Variants in SCN8A observed in about 807,000 individuals in gnomAD.
SCN8A encodes sodium channel protein type 8 subunit alpha.
In SCN8A, 30 loss-of-function variants were observed where a neutral mutation model predicts 184.1. That is an observed-to-expected ratio of 0.16 (90% confidence interval 0.12 to 0.22). The LOEUF (loss-of-function observed/expected upper bound fraction) is 0.22. SCN8A is among the 10% of genes least tolerant of loss of function. The pLI is 1.00. For synonymous variants in SCN8A, 852 were observed against 907.0 expected (o/e 0.94, Z 1.09); for missense variants, 1,057 against 2,498.9 (o/e 0.42, Z 12.30).
chr12:51,792,537 A>G (rs553982533), intron 25 of SCN8A, among the ~76,000 whole-genome samples: 7 of 150,520 alleles, frequency 4.7e-5, no homozygotes, highest in Admixed American at 2.6e-4. Flanking sequence ...AGCTGGGGAA[A>G]GAGATTCCTG....
At position 51,606,087 on chromosome 12, in the gene SCN8A, T is replaced by C. The variant is rs578008467; in HGVS notation, c.-55+14728T>C. 8.5e-5 allele frequency among the ~76,000 whole-genome samples: 13 copies of C among 152,354 alleles called. No individual in the cohort carries two copies. The East Asian group carries it at 1.5e-3, about 18-fold the overall frequency. ...CTTCCTTGTGCCGTGCAAAAGCTTT[T>C]AGTTTAATTAAGCCCCAACTATTAT... is the stretch of plus-strand genomic sequence containing the variant. On this transcript the variant is annotated intron_variant, in intron 1 of 26. Coordinates refer to ENST00000627620, the MANE Select transcript of SCN8A (RefSeq NM_001330260.2).
Position 51,810,319 on chromosome 12 carries a change from A to T in SCN8A, c.*2890A>T. Reference sequence around the variant, plus strand: ...TGTCCTTCCACCTGCTCACTCACTCACTCTCTCACCCATCCTGCTCCACAC... The same window carrying T: ...TGTCCTTCCACCTGCTCACTCACTCTCTCTCTCACCCATCCTGCTCCACAC... On this transcript the variant is annotated 3_prime_UTR_variant, in exon 27 of 27. Coordinates refer to ENST00000627620, the MANE Select transcript of SCN8A (RefSeq NM_001330260.2). 2 of 325,950 alleles carry T rather than the reference A, an allele frequency of 6.1e-6. No homozygotes were observed. The highest frequency in any genetic ancestry group is 4.4e-5 in the South Asian group (2 of 45,716). 20.2% of individuals were successfully genotyped at this position (325,950 alleles called of 1,614,324 possible). A position where few individuals can be genotyped will look rare whatever the true frequency, so the allele number is the denominator to read the frequency against.
chr12:51,752,071 T>C (rs962354170), intron 14 of SCN8A, among the ~76,000 whole-genome samples: 1 of 152,170 alleles, frequency 6.6e-6, no homozygotes, highest in African/African-American at 2.4e-5. Context: ...GGACTATTTA[T>C]GGGAAAGTTT....
At chr12:51,617,354 A>T (rs1310676238) in intron 1 of SCN8A, among the ~76,000 whole-genome samples, 4 of 151,924 alleles carry the variant, frequency 2.6e-5, no homozygotes, top group Admixed American at 6.6e-5. Flanking sequence ...TTTCAAGTTC[A>T]TCAACTATTC....
At chr12:51,783,096 C>CA (rs1937976144) in intron 21 of SCN8A, among the ~76,000 whole-genome samples, 1 of 152,112 alleles carries the variant, frequency 6.6e-6, no homozygotes, top group Non-Finnish European at 1.5e-5. Flanking sequence ...TGATTGACTC[C>CA]AGCCAACTAA....
At chr12:51,647,134 A>G (rs994496927) in intron 1 of SCN8A, among the ~76,000 whole-genome samples, 2 of 152,156 alleles carry the variant, frequency 1.3e-5, no homozygotes, top group Non-Finnish European at 2.9e-5. Flanking sequence ...GCTTGAGCCC[A>G]GGAGTTTAAG....
At chr12:51,721,131 T>TAA (rs1565899466) in intron 11 of SCN8A, among the ~76,000 whole-genome samples, 13 of 136,078 alleles carry the variant, frequency 9.6e-5, no homozygotes, top group African/African-American at 3.4e-4. Context: ...GTTATATATA[T>TAA]AATATTTATT....
rs185921860 is a variant in SCN8A, at chr12:51,616,406, C to T, written c.-55+25047C>T. Among the ~76,000 whole-genome samples the T allele has an allele frequency of 1.6e-4, 25 of 152,070 alleles. No homozygotes were observed. The East Asian group carries it at 3.1e-3, about 19-fold the overall frequency. ...CACGGATCACTTGAGGTCAGGAGTT[C>T]GAGACCAGCCTGGCTAACATGGTGA... On this transcript the variant is annotated intron_variant, in intron 1 of 26. Transcript: ENST00000627620.
intron 1 of SCN8A, among the ~76,000 whole-genome samples, chr12:51,645,430 C>T (rs1306028949): frequency 3.9e-5 from 6 of 152,172 alleles, no homozygotes; most frequent in Admixed American, 6.5e-5. Flanking sequence ...CCCCTCTGCC[C>T]GGCCACCACC....
At chr12:51,628,638 A>G (rs750780504) in intron 1 of SCN8A, among the ~76,000 whole-genome samples, 75 of 152,128 alleles carry the variant, frequency 4.9e-4, no homozygotes, top group Admixed American at 1.8e-3. Flanking sequence ...GGTGACTTAT[A>G]GAGACTGTTT....
intron 26 of SCN8A, among the ~76,000 whole-genome samples, chr12:51,805,772 A>G (rs1472514896): frequency 6.6e-6 from 1 of 152,086 alleles, no homozygotes; most frequent in Non-Finnish European, 1.5e-5. Flanking sequence ...TGTGTTAGTT[A>G]TGTGTGTTAG....
chr12:51,701,092 C>A, intron 7 of SCN8A, 52 bp from the exon 8 acceptor site: 1 of 1,234,700 alleles, frequency 8.1e-7, no homozygotes, highest in South Asian at 1.2e-5. Context: ...ACCTTATTCT[C>A]TCATTCACTT....
At chr12:51,671,565 G>C (rs1012422563) in intron 2 of SCN8A, among the ~76,000 whole-genome samples, 8 of 152,164 alleles carry the variant, frequency 5.3e-5, no homozygotes, top group African/African-American at 1.7e-4. Context: ...AAATTTACCT[G>C]TGGAATGGGA....
At chr12:51,663,929 A>C (rs4761993) in intron 2 of SCN8A, among the ~76,000 whole-genome samples, 1 of 110,440 alleles carries the variant, frequency 9.1e-6, no homozygotes, top group Non-Finnish European at 1.7e-5. Context: ...TTTTTTTTTG[A>C]GATGGAGTCT....
intron 11 of SCN8A, 45 bp from the exon 12 acceptor site, chr12:51,721,501 G>C (rs1013273602): frequency 6.5e-7 from 1 of 1,534,386 alleles, no homozygotes; most frequent in Non-Finnish European, 8.8e-7. Context: ...CCACACTCCC[G>C]TCTCATTTCC....
intron 3 of SCN8A, 145 bp downstream of exon 3, chr12:51,684,437 A>T: frequency 1.5e-6 from 1 of 651,960 alleles, no homozygotes; most frequent in Non-Finnish European, 2.8e-6. Context: ...TTAAGAGTGA[A>T]CTCCTGCCAC....
intron 11 of SCN8A, among the ~76,000 whole-genome samples, chr12:51,711,563 C>G (rs1941876597): frequency 6.6e-6 from 1 of 152,200 alleles, no homozygotes. Flanking sequence ...CATCCAACTC[C>G]AGAGCCTGTG....
chr12:51,653,082 G>A (rs12423070), intron 1 of SCN8A, among the ~76,000 whole-genome samples: 1,849 of 152,298 alleles, frequency 0.012, 83 homozygotes, highest in East Asian at 0.089. Flanking sequence ...CACTTTGGGA[G>A]GCCGAGGTGA....
chr12:51,642,522 GT>G (rs902522111), intron 1 of SCN8A, among the ~76,000 whole-genome samples: 9 of 152,240 alleles, frequency 5.9e-5, no homozygotes, highest in Non-Finnish European at 1.0e-4. Context: ...CTGAAATCTT[GT>G]TCAGGAAAGT....
Sources: gnomAD v4.1 joint callset for allele counts (sites outside exome capture counted in the v4.1 genomes callset) on GRCh38, gnomAD v4.1.1 for gene constraint, MANE v1.5 for transcripts, NCBI Gene and HGNC (gene_info 2026-07-23, HGNC 2026-07-21) for gene names.